DLGAP2: variants seen among roughly 807,000 people sequenced by gnomAD.
DLGAP2 encodes DLG associated protein 2, also known as disks large-associated protein 2.
A neutral mutation model predicts 100.3 loss-of-function variants in DLGAP2; 26 were observed. The observed-to-expected ratio is 0.26, with a 90% confidence interval of 0.19 to 0.36. DLGAP2 has a LOEUF of 0.36. Ranked by LOEUF, DLGAP2 falls within the 10% of genes least tolerant of loss-of-function variation. The pLI is 1.00. For synonymous variants in DLGAP2, 886 were observed against 630.1 expected (o/e 1.41, Z -6.08); for missense variants, 1,858 against 1,453.2 (o/e 1.28, Z -4.53).
At chr8:1,206,243 C>G (rs1797986720) in intron 2 of DLGAP2, among the ~76,000 whole-genome samples, 1 of 152,116 alleles carries the variant, frequency 6.6e-6, no homozygotes, top group African/African-American at 2.4e-5. Flanking sequence ...TGGCCACGCA[C>G]CACTGGGCAC....
At chr8:861,859 T>C (rs1235304831) in intron 1 of DLGAP2, among the ~76,000 whole-genome samples, 1 of 152,258 alleles carries the variant, frequency 6.6e-6, no homozygotes, top group Non-Finnish European at 1.5e-5. Context: ...TTATTCTTTG[T>C]TGATGATTCA....
At chr8:999,715 G>C (rs10089531) in intron 2 of DLGAP2, among the ~76,000 whole-genome samples, 1 of 151,974 alleles carries the variant, frequency 6.6e-6, no homozygotes, top group African/African-American at 2.4e-5. Context: ...TCTTGACCTC[G>C]TGATCCACCT....
chr8:1,036,585 A>T (rs1802131497), intron 2 of DLGAP2, among the ~76,000 whole-genome samples: 3 of 152,114 alleles, frequency 2.0e-5, no homozygotes, highest in South Asian at 4.1e-4. Flanking sequence ...AATGGGCCTC[A>T]TGGGGCCTGG....
intron 3 of DLGAP2, among the ~76,000 whole-genome samples, chr8:1,356,920 C>G (rs929630105): frequency 6.6e-6 from 1 of 152,198 alleles, no homozygotes; most frequent in Non-Finnish European, 1.5e-5. Flanking sequence ...GTGCCCGTGT[C>G]TACAGCGCAC....
At chr8:1,331,184 C>T (rs775715850) in intron 3 of DLGAP2, among the ~76,000 whole-genome samples, 28 of 152,258 alleles carry the variant, frequency 1.8e-4, no homozygotes, top group Non-Finnish European at 2.9e-4. Context: ...GATTCTTAGT[C>T]GACAGGTAGA....
At chr8:1,385,748 C>G (rs1217816733) in intron 3 of DLGAP2, among the ~76,000 whole-genome samples, 1 of 147,402 alleles carries the variant, frequency 6.8e-6, no homozygotes, top group Non-Finnish European at 1.5e-5. Context: ...ACAGTTACCC[C>G]GGCCTATGCC....
chr8:1,092,116 G>A (rs58877717), intron 2 of DLGAP2, among the ~76,000 whole-genome samples: 4,303 of 152,210 alleles, frequency 0.028, 194 homozygotes, highest in African/African-American at 0.097. Context: ...GGGAGCGGCC[G>A]GTGTCTGCCC....
intron 2 of DLGAP2, among the ~76,000 whole-genome samples, chr8:926,889 G>C (rs548171586): frequency 1.3e-5 from 2 of 152,256 alleles, no homozygotes; most frequent in African/African-American, 4.8e-5. Context: ...TGGCAGGAGC[G>C]GAGCGAGCCT....
chr8:1,605,178 A>T (rs1054223325), intron 6 of DLGAP2, among the ~76,000 whole-genome samples: 1 of 152,088 alleles, frequency 6.6e-6, no homozygotes, highest in African/African-American at 2.4e-5. Flanking sequence ...TCCGTGACTT[A>T]CCCAGGTTCA....
In DLGAP2 at chr8:1,020,738, G is replaced by A. The variant is rs373986413; in HGVS notation, c.73+112772G>A. 2.0e-5 allele frequency among the ~76,000 whole-genome samples: 3 copies of A among 152,344 alleles called. No homozygotes were observed. The South Asian group carries it at 6.2e-4, about 32-fold the overall frequency. On this transcript the variant is annotated intron_variant, in intron 2 of 14. Transcript: ENST00000637795. ...AACATTAAAGAGTAGCCATCTGTGT[G>A]TCAGGAGAATACGCACAGAACCCAG...
chr8:1,600,373 T>C (rs1325602003), intron 6 of DLGAP2, among the ~76,000 whole-genome samples: 1 of 152,098 alleles, frequency 6.6e-6, no homozygotes, highest in African/African-American at 2.4e-5. Flanking sequence ...TCTCAAGGAG[T>C]AACTTTGTGG....
intron 1 of DLGAP2, among the ~76,000 whole-genome samples, chr8:857,002 G>C (rs995423064): frequency 6.6e-6 from 1 of 152,198 alleles, no homozygotes; most frequent in African/African-American, 2.4e-5. Context: ...AGACAGTGTG[G>C]CACTGGTAAA....
chr8:1,594,000 G>C (rs970846918), intron 6 of DLGAP2, among the ~76,000 whole-genome samples: 3 of 152,208 alleles, frequency 2.0e-5, no homozygotes, highest in Non-Finnish European at 4.4e-5. Flanking sequence ...GGGGAGGACA[G>C]AGATGACAGC....
In DLGAP2 at chr8:737,790, A is replaced by G; in HGVS notation, c.-18A>G. ...TCGCCATGTCGCCCCGCACCTGCTG[A>G]GCCCGGAGCGTCCGAGGATGTCCGC... On this transcript the variant is annotated 5_prime_UTR_variant, in exon 1 of 15. The change abolishes the stop of an existing upstream ORF in the 5' untranslated region. Transcript: ENST00000637795. The G allele has an allele frequency of 2.6e-6, 1 of 378,700 alleles. No individual in the cohort carries two copies. Among genetic ancestry groups the G allele is most frequent in the Non-Finnish European group, 4.7e-6 (1 of 213,082 alleles). The allele number at this position is 378,700 out of a possible 1,614,324, so 23.5% of individuals were successfully genotyped here.
At chr8:1,633,155 G>C in intron 8 of DLGAP2, 109 bp downstream of exon 8, 1 of 1,046,990 alleles carries the variant, frequency 9.6e-7, no homozygotes, top group Non-Finnish European at 1.4e-6. Context: ...GTACTCTCCT[G>C]ACATCTAGTA....
intron 1 of DLGAP2, among the ~76,000 whole-genome samples, chr8:888,021 G>A (rs1372805703): frequency 6.6e-6 from 1 of 152,046 alleles, no homozygotes; most frequent in Non-Finnish European, 1.5e-5. Flanking sequence ...CCAATCAATC[G>A]TAGGTTTAAT....
intron 2 of DLGAP2, among the ~76,000 whole-genome samples, chr8:1,233,732 C>G (rs1368102748): frequency 6.6e-6 from 1 of 152,176 alleles, no homozygotes; most frequent in East Asian, 1.9e-4. Flanking sequence ...CTGGGAAACA[C>G]GCAGGGCTGT....
In DLGAP2 at chr8:989,384, C is replaced by T. The variant is rs116195034; in HGVS notation, c.73+81418C>T. Among the ~76,000 whole-genome samples, 426 of 152,336 alleles carry T rather than the reference C, an allele frequency of 2.8e-3. 1 individual carries two copies. Among genetic ancestry groups the T allele is most frequent in the African/African-American group, 9.5e-3 (396 of 41,564 alleles). ...TGCCTGACACCTTATCCATAGTAGA[C>T]GTCCAAACCTTGCTTGCACCTGAAT... On this transcript the variant is annotated intron_variant, in intron 2 of 14. Coordinates refer to ENST00000637795, the MANE Select transcript of DLGAP2 (RefSeq NM_001346810.2).
chr8:1,101,747 G>A (rs1165157462), intron 2 of DLGAP2, among the ~76,000 whole-genome samples: 1 of 108,936 alleles, frequency 9.2e-6, no homozygotes, highest in African/African-American at 3.7e-5. Flanking sequence ...GAAGCTCCTC[G>A]TCACCCCTGA....
Sources: gnomAD v4.1 joint callset for allele counts (sites outside exome capture counted in the v4.1 genomes callset) on GRCh38, gnomAD v4.1.1 for gene constraint, MANE v1.5 for transcripts, NCBI Gene and HGNC (gene_info 2026-07-23, HGNC 2026-07-21) for gene names.